Variants in JAM3 observed in about 807,000 individuals in gnomAD.
The protein encoded by JAM3 is junctional adhesion molecule C.
A neutral mutation model predicts 39.4 loss-of-function variants in JAM3; 31 were observed. The observed-to-expected ratio is 0.79, with a 90% CI of 0.59 to 1.06. The LOEUF (loss-of-function observed/expected upper bound fraction) is 1.06. Ranked by LOEUF, JAM3 falls within the 50% of genes least tolerant of loss-of-function variation. The pLI is 0.00. For synonymous variants in JAM3, 182 were observed against 148.7 expected (o/e 1.22, Z -1.63); for missense variants, 455 against 391.4 (o/e 1.16, Z -1.37).
At chr11:134,077,065 C>A (rs1397809319) in intron 1 of JAM3, among the ~76,000 whole-genome samples, 2 of 151,942 alleles carry the variant, frequency 1.3e-5, no homozygotes, top group Non-Finnish European at 2.9e-5. Flanking sequence ...GAACTCCTGA[C>A]CTTAGGTGAT....
At chr11:134,123,927 C>CT in intron 1 of JAM3, 1 of 1,323,344 alleles carries the variant, frequency 7.6e-7, no homozygotes, top group Non-Finnish European at 1.1e-6. Flanking sequence ...GGCCCCCCTT[C>CT]TTTTTTGTGT....
chr11:134,134,876 G>A (rs189475024), intron 1 of JAM3, among the ~76,000 whole-genome samples: 17 of 152,248 alleles, frequency 1.1e-4, no homozygotes, highest in Admixed American at 9.2e-4. Context: ...AGTTGTAGGA[G>A]TTCTTTATAT....
chr11:134,111,090 A>G (rs1396543629), intron 1 of JAM3, among the ~76,000 whole-genome samples: 3 of 134,080 alleles, frequency 2.2e-5, no homozygotes, highest in Non-Finnish European at 4.7e-5. Context: ...TACCTTTCCT[A>G]TGTCTACACT....
intron 1 of JAM3, among the ~76,000 whole-genome samples, chr11:134,075,130 C>T (rs528722764): frequency 6.6e-6 from 1 of 151,902 alleles, no homozygotes; most frequent in East Asian, 1.9e-4. Context: ...ATGGGCAAAG[C>T]AGGAGAACTT....
rs548139355 is a variant in JAM3, at chr11:134,145,335, A to G, written c.612+341A>G. ...GTGGTATTTGATGATCTATTAAGCAACTGTTCATTGCTTTAGGCATGATGA... is the reference window on the plus strand; with the variant it reads ...GTGGTATTTGATGATCTATTAAGCAGCTGTTCATTGCTTTAGGCATGATGA... On this transcript the variant is annotated intron_variant, in intron 5 of 8. Transcript: ENST00000299106. 448 of 418,186 alleles carry G rather than the reference A, an allele frequency of 1.1e-3. 1 individual carries two copies. The highest frequency in any genetic ancestry group is 8.6e-3 in the African/African-American group (424 of 49,366). 25.9% of individuals were successfully genotyped at this position (418,186 alleles called of 1,614,324 possible).
At chr11:134,099,906 G>C (rs1331628170) in intron 1 of JAM3, among the ~76,000 whole-genome samples, 7 of 152,086 alleles carry the variant, frequency 4.6e-5, no homozygotes, top group Non-Finnish European at 1.0e-4. Flanking sequence ...CGCCCGGCTT[G>C]CTTCCTTTAT....
chr11:134,108,119 A>C (rs1335773933), intron 1 of JAM3, among the ~76,000 whole-genome samples: 1 of 152,122 alleles, frequency 6.6e-6, no homozygotes, highest in African/African-American at 2.4e-5. Flanking sequence ...AAGATAGGTG[A>C]CTATAAACAC....
intron 1 of JAM3, among the ~76,000 whole-genome samples, chr11:134,132,918 C>T (rs186551458): frequency 8.5e-5 from 13 of 152,274 alleles, no homozygotes; most frequent in Admixed American, 8.5e-4. Context: ...CCTGCAGAGG[C>T]TTCTTCTCCT....
intron 1 of JAM3, chr11:134,123,900 A>G: frequency 1.0e-6 from 1 of 998,794 alleles, no homozygotes; most frequent in Non-Finnish European, 1.6e-6. Context: ...CAAGTAAAGC[A>G]GCTGTTTGGA....
At chr11:134,125,008 C>A in intron 1 of JAM3, among the ~76,000 whole-genome samples, 1 of 152,242 alleles carries the variant, frequency 6.6e-6, no homozygotes, top group African/African-American at 2.4e-5. Context: ...CCAGCCTCAG[C>A]GCGCGACACC....
chr11:134,124,114 G>T, intron 1 of JAM3: 1 of 1,486,566 alleles, frequency 6.7e-7, no homozygotes, highest in South Asian at 1.1e-5. Context: ...TTAGGGGGTG[G>T]AGCTCCATCA....
intron 1 of JAM3, among the ~76,000 whole-genome samples, chr11:134,092,069 T>G (rs1263489423): frequency 6.6e-6 from 1 of 152,172 alleles, no homozygotes; most frequent in Non-Finnish European, 1.5e-5. Context: ...GCAGAATTCT[T>G]TAGGGGCTTT....
chr11:134,070,816 C>T (rs1204103643), intron 1 of JAM3, among the ~76,000 whole-genome samples: 8 of 152,216 alleles, frequency 5.3e-5, no homozygotes, highest in African/African-American at 1.7e-4. Context: ...TTACCCTTAA[C>T]CTCTGATTTC....
At chr11:134,076,293 T>C (rs2120573820) in intron 1 of JAM3, among the ~76,000 whole-genome samples, 1 of 151,910 alleles carries the variant, frequency 6.6e-6, no homozygotes, top group East Asian at 1.9e-4. Flanking sequence ...TAGCTGGGAT[T>C]ACAGGCGGCC....
intron 1 of JAM3, among the ~76,000 whole-genome samples, chr11:134,134,500 T>C (rs900966729): frequency 2.6e-5 from 4 of 151,204 alleles, no homozygotes. Context: ...AAAAGTACCT[T>C]AGCTATAAAG....
chr11:134,074,046 G>A (rs765176600), intron 1 of JAM3, among the ~76,000 whole-genome samples: 1 of 152,280 alleles, frequency 6.6e-6, no homozygotes, highest in East Asian at 1.9e-4. Context: ...ACAAGGTTAA[G>A]AAGGAGAAAA....
chr11:134,093,078 G>C lies in JAM3; in HGVS notation c.76+23919G>C, dbSNP rs369771705. 7.6e-5 allele frequency among the ~76,000 whole-genome samples: 5 copies of C among 66,134 alleles called. 1 individual carries two copies. Among genetic ancestry groups the C allele is most frequent in the Admixed American group, 1.5e-4 (1 of 6,872 alleles). The allele number at this position is 66,134 out of a possible 152,430, so 43.4% of individuals were successfully genotyped here. On this transcript the variant is annotated intron_variant, in intron 1 of 8. Coordinates refer to ENST00000299106, the MANE Select transcript of JAM3 (RefSeq NM_032801.5). ...TCATGTTCCACCTTACATCTTATTC[G>C]TCATGTTCCATCTTACATGTCACTT... is the stretch of plus-strand genomic sequence containing the variant.
intron 1 of JAM3, among the ~76,000 whole-genome samples, chr11:134,087,006 T>C (rs981932086): frequency 1.3e-5 from 2 of 152,108 alleles, no homozygotes; most frequent in African/African-American, 4.8e-5. Context: ...GGTCTCACTT[T>C]GTTGCCCAGG....
chr11:134,130,765 G>T (rs1591800330), intron 1 of JAM3, among the ~76,000 whole-genome samples: 4 of 152,188 alleles, frequency 2.6e-5, no homozygotes, highest in Admixed American at 2.0e-4. Context: ...TCAAACCGGA[G>T]GGAACAGAGC....
Sources: gnomAD v4.1 joint callset for allele counts (sites outside exome capture counted in the v4.1 genomes callset) on GRCh38, gnomAD v4.1.1 for gene constraint, MANE v1.5 for transcripts, NCBI Gene and HGNC (gene_info 2026-07-23, HGNC 2026-07-21) for gene names.